The following RIC8B variants were observed in gnomAD, a reference collection of about 807,000 sequenced individuals.
The protein encoded by RIC8B is RIC8 guanine nucleotide exchange factor B, also known as chaperone Ric-8B.
RIC8B carries 16 observed loss-of-function variants against 57.5 expected under a neutral mutation model. The ratio of observed to expected loss-of-function variants is 0.28; its 90% CI spans 0.19 to 0.42. The LOEUF (loss-of-function observed/expected upper bound fraction) is 0.42. Ranked by LOEUF, RIC8B falls within the 10% of genes least tolerant of loss-of-function variation. The pLI, the probability that RIC8B is intolerant of heterozygous loss-of-function variation, is 1.00. For synonymous variants in RIC8B, 216 were observed against 250.8 expected (o/e 0.86, Z 1.31); for missense variants, 481 against 677.0 (o/e 0.71, Z 3.21).
At chr12:106,837,212 A>G (rs1476802502) in intron 4 of RIC8B, among the ~76,000 whole-genome samples, 1 of 152,132 alleles carries the variant, frequency 6.6e-6, no homozygotes, top group Non-Finnish European at 1.5e-5. Context: ...AAATACAAAA[A>G]TTAGCCAGGC....
intron 2 of RIC8B, among the ~76,000 whole-genome samples, chr12:106,793,205 T>C (rs948286050): frequency 1.3e-5 from 2 of 152,178 alleles, no homozygotes; most frequent in African/African-American, 4.8e-5. Flanking sequence ...AGGGTTGCTG[T>C]ACCTTTACTT....
rs763797330 is a variant in RIC8B at position 106,885,892 on chromosome 12, C to G, written c.1572-12C>G. ...ATACTTTTTTTTCTCTCTCTTTTAT[C>G]TCTTTTTCTAGAGAGGAGTTGCTTA... On this transcript the variant is annotated splice_polypyrimidine_tract_variant and intron_variant, in intron 9 of 9. Transcript: ENST00000392837. The G allele has an allele frequency of 6.4e-7, 1 of 1,564,730 alleles. No individual in the cohort carries two copies. The highest frequency in any genetic ancestry group is 8.8e-7 in the Non-Finnish European group (1 of 1,136,080).
intron 2 of RIC8B, among the ~76,000 whole-genome samples, chr12:106,794,174 T>C (rs1593112174): frequency 6.6e-6 from 1 of 152,166 alleles, no homozygotes; most frequent in Non-Finnish European, 1.5e-5. Context: ...GAAATAAAAA[T>C]TCACTGAAGG....
intron 1 of RIC8B, among the ~76,000 whole-genome samples, chr12:106,780,027 A>G (rs2043694199): frequency 6.6e-6 from 1 of 151,774 alleles, no homozygotes; most frequent in African/African-American, 2.4e-5. Flanking sequence ...TTCTCTAATA[A>G]CACATTTAGT....
chr12:106,783,987 TC>T lies in RIC8B; in HGVS notation c.85-5del. 1.2e-6 allele frequency: 2 copies of T among 1,612,374 alleles called. No individual in the cohort carries two copies. The highest frequency in any genetic ancestry group is 2.2e-5 in the South Asian group (2 of 90,656). ...TTAAAATGACATTGTTTCCCTTTTT[TC>T]CCCCTCAGCATAGGGCTACTTTCAA... On this transcript the variant is annotated splice_polypyrimidine_tract_variant and intron_variant, in intron 1 of 9. Transcript: ENST00000392837.
chr12:106,822,731 G>C (rs541576245), intron 3 of RIC8B: 1 of 152,340 alleles, frequency 6.6e-6, no homozygotes, highest in Admixed American at 6.5e-5. Flanking sequence ...GGCCAGTGAT[G>C]AACAGGGTGG....
intron 9 of RIC8B, among the ~76,000 whole-genome samples, chr12:106,876,902 AATATTT>A (rs1329081277): frequency 6.6e-6 from 1 of 152,132 alleles, no homozygotes; most frequent in Non-Finnish European, 1.5e-5. Flanking sequence ...CTGACCTATT[AATATTT>A]ATTTTGTTAA....
chr12:106,792,421 G>T (rs768238515), intron 2 of RIC8B, among the ~76,000 whole-genome samples: 4 of 152,262 alleles, frequency 2.6e-5, no homozygotes, highest in African/African-American at 4.8e-5. Flanking sequence ...GGGATAATAA[G>T]AATACTATCT....
chr12:106,789,090 C>G (rs2044156820), intron 2 of RIC8B, among the ~76,000 whole-genome samples: 1 of 152,196 alleles, frequency 6.6e-6, no homozygotes. Flanking sequence ...AATCATCTCT[C>G]TCAAGTTCAA....
chr12:106,881,999 A>T (rs1301954519), intron 9 of RIC8B, among the ~76,000 whole-genome samples: 1 of 152,194 alleles, frequency 6.6e-6, no homozygotes, highest in African/African-American at 2.4e-5. Context: ...CCTGTTAATC[A>T]TCTCAAGCTT....
intron 9 of RIC8B, among the ~76,000 whole-genome samples, chr12:106,873,443 A>G (rs538254647): frequency 1.3e-5 from 2 of 152,308 alleles, no homozygotes; most frequent in African/African-American, 4.8e-5. Context: ...GAATGAAGTC[A>G]TTCTTTATGC....
At chr12:106,878,582 G>C (rs960927623) in intron 9 of RIC8B, among the ~76,000 whole-genome samples, 1 of 152,064 alleles carries the variant, frequency 6.6e-6, no homozygotes, top group African/African-American at 2.4e-5. Context: ...AATGTGAAAA[G>C]GAATTAAATA....
intron 2 of RIC8B, among the ~76,000 whole-genome samples, chr12:106,789,551 T>C (rs1022757852): frequency 3.9e-5 from 6 of 151,974 alleles, no homozygotes; most frequent in Admixed American, 3.3e-4. Context: ...AGGCGAAAGG[T>C]ACTTCTTACA....
At chr12:106,775,626 C>T (rs1219262985) in intron 1 of RIC8B, among the ~76,000 whole-genome samples, 3 of 152,236 alleles carry the variant, frequency 2.0e-5, no homozygotes, top group South Asian at 2.1e-4. Flanking sequence ...CTTTCCACTT[C>T]ACAACTCTGC....
intron 6 of RIC8B, among the ~76,000 whole-genome samples, chr12:106,850,810 A>G (rs1471640386): frequency 6.6e-6 from 1 of 152,158 alleles, no homozygotes; most frequent in African/African-American, 2.4e-5. Context: ...GAGTGTCCCT[A>G]TGTAGAAGTC....
At chr12:106,795,029 A>G (rs1046868790) in intron 2 of RIC8B, among the ~76,000 whole-genome samples, 1 of 152,230 alleles carries the variant, frequency 6.6e-6, no homozygotes, top group Non-Finnish European at 1.5e-5. Context: ...GCAAAGCTGT[A>G]TTGAACTAAG....
chr12:106,798,352 T>C (rs1377437988), intron 2 of RIC8B, among the ~76,000 whole-genome samples: 1 of 151,928 alleles, frequency 6.6e-6, no homozygotes, highest in Non-Finnish European at 1.5e-5. Context: ...CTCCTCTATT[T>C]GTAGATAAAA....
At position 106,886,176 on chromosome 12, in the gene RIC8B, GT is replaced by G. The variant is rs1027623174; in HGVS notation, c.*167del. 362 of 598,072 alleles carry G rather than the reference GT, an allele frequency of 6.1e-4. 2 individuals are homozygous for G. The highest frequency in any genetic ancestry group is 6.3e-4 in the Middle Eastern group (2 of 3,190). The allele number at this position is 598,072 out of a possible 1,614,324, so 37.0% of individuals were successfully genotyped here. The stretch of plus-strand genomic sequence containing the variant: ...CAGCATATTTAAGAGGTGACCCTGT[GT>G]TTTTTGTGATATTGAGGCATTCATA... On this transcript the variant is annotated 3_prime_UTR_variant, in exon 10 of 10. Transcript: ENST00000392837.
chr12:106,874,291 G>A (rs1950572476), intron 9 of RIC8B, among the ~76,000 whole-genome samples: 1 of 152,206 alleles, frequency 6.6e-6, no homozygotes, highest in Admixed American at 6.5e-5. Context: ...TTCACTCTAG[G>A]ACGTTCTGCA....
Sources: allele counts gnomAD v4.1 joint callset (sites outside exome capture counted in the v4.1 genomes callset), GRCh38; gene constraint gnomAD v4.1.1; transcripts MANE v1.5; gene names NCBI Gene and HGNC (gene_info 2026-07-23, HGNC 2026-07-21).